Variants in GGT1 observed in about 807,000 individuals in gnomAD.
The protein encoded by GGT1 is glutathione hydrolase 1 proenzyme.
In GGT1, 21 loss-of-function variants were observed where a neutral mutation model predicts 56.0. The ratio of observed to expected loss-of-function variants is 0.38; its 90% CI spans 0.27 to 0.54. The LOEUF (loss-of-function observed/expected upper bound fraction) is 0.54. GGT1 is among the 20% of genes least tolerant of loss of function. The probability of loss-of-function intolerance (pLI) is 0.82; values close to 1 mark genes in which losing one functional copy is unlikely to be tolerated. For synonymous variants in GGT1, 238 were observed against 342.6 expected, an observed-to-expected ratio of 0.69 and a Z score of 3.37; for missense variants, 466 against 787.0, an observed-to-expected ratio of 0.59 and a Z score of 4.88.
intron 7 of GGT1, among the ~76,000 whole-genome samples, chr22:24,617,128 G>A (rs1158700729): frequency 6.6e-6 from 1 of 152,158 alleles, no homozygotes; most frequent in African/African-American, 2.4e-5. Flanking sequence ...GGTCTGGAGG[G>A]CCTCAAAATC....
intron 1 of GGT1, among the ~76,000 whole-genome samples, chr22:24,605,101 A>G (rs1158788085): frequency 3.5e-5 from 1 of 28,578 alleles, no homozygotes; most frequent in Admixed American, 6.8e-4. Context: ...TATAATATGT[A>G]TTATATTATA....
intron 4 of GGT1, 83 bp from the exon 5 acceptor site, chr22:24,610,992 G>A (rs759584391): frequency 7.6e-4 from 990 of 1,297,216 alleles, no homozygotes; most frequent in Non-Finnish European, 9.3e-4. Flanking sequence ...TCTGAGGCCC[G>A]ACTTTAGACT....
At chr22:24,602,532 C>T (rs56187493), upstream of GGT1, among the ~76,000 whole-genome samples, 934 of 152,316 alleles carry the variant, frequency 6.1e-3, 7 homozygotes, top group South Asian at 0.016. Flanking sequence ...CCCACCCCAT[C>T]TCATTGAATG....
Position 24,620,857 on chromosome 22 carries a change from G to T in GGT1, c.576-56G>T, listed in dbSNP as rs2047374724. ...TCTCCTGTGTGGACGGGTGTGAGGGGTGGTCTAGCTGAGTCCACCCCACCT... is the reference window on the plus strand; with the variant it reads ...TCTCCTGTGTGGACGGGTGTGAGGGTTGGTCTAGCTGAGTCCACCCCACCT... On this transcript the variant is annotated intron_variant, in intron 8 of 15. Coordinates refer to ENST00000400382, the MANE Select transcript of GGT1 (RefSeq NM_001288833.2). The surrounding 1 kb of genome is among the most constrained non-coding windows in gnomAD (Gnocchi z 5.6). The T allele has an allele frequency of 6.2e-7, 1 of 1,600,286 alleles. No individual in the cohort carries two copies. Among genetic ancestry groups the T allele is most frequent in the Admixed American group, 1.7e-5 (1 of 59,242 alleles).
rs775813527 is a variant in GGT1 at position 24,615,063 on chromosome 22, C to T, written c.318C>T (p.Ala106=). The T allele has an allele frequency of 1.9e-6, 3 of 1,612,224 alleles. No individual in the cohort carries two copies. The East Asian group carries it at 6.7e-5, about 36-fold the overall frequency. ...STTRKAEVIN[A]REVAPRLAFA... Reference sequence around the variant, plus strand: ...TAGGAAAAGCTGAGGTCATCAACGCCCGCGAGGTGGCCCCCAGGCTGGCCT... The same window carrying T: ...TAGGAAAAGCTGAGGTCATCAACGCTCGCGAGGTGGCCCCCAGGCTGGCCT... The change falls in exon 7 of 16, where the codon GCC becomes GCT. Residue 106 remains alanine (A), a synonymous_variant. Coordinates refer to ENST00000400382, the MANE Select transcript of GGT1 (RefSeq NM_001288833.2).
chr22:24,586,940 A>G, the GGT1 span, among the ~76,000 whole-genome samples: 1 of 152,370 alleles, frequency 6.6e-6, no homozygotes, highest in South Asian at 2.1e-4. Flanking sequence ...CACACACAGT[A>G]AGGCTCTTTC....
At chr22:24,606,723 G>A (rs1390499200) in intron 1 of GGT1, among the ~76,000 whole-genome samples, 2 of 152,138 alleles carry the variant, frequency 1.3e-5, no homozygotes, top group African/African-American at 4.8e-5. Context: ...TGAGAGCAGT[G>A]GATGACAGGA....
chr22:24,592,898 C>G (rs747416487), upstream of GGT1: 43 of 1,281,132 alleles, frequency 3.4e-5, no homozygotes, highest in East Asian at 9.6e-5. Context: ...CGGGCGCGCT[C>G]CGGCCGCCGC....
chr22:24,596,488 C>G lies in GGT1; in HGVS notation c.-324+1602C>G, dbSNP rs761434883. On this transcript the variant is annotated intron_variant, in intron 1 of 6. Coordinates refer to the GGT1 transcript ENST00000411974. ...TCCTTATTTTTGCAGTGGGGTCTCACTATGTTGCCCAGGCTGGTCTTGAAC... is the reference window on the plus strand; with the variant it reads ...TCCTTATTTTTGCAGTGGGGTCTCAGTATGTTGCCCAGGCTGGTCTTGAAC... Among the ~76,000 whole-genome samples the G allele has an allele frequency of 2.0e-5, 3 of 152,110 alleles. No homozygotes were observed. In the East Asian group the frequency reaches 5.8e-4, roughly 29 times the overall value.
the GGT1 span, chr22:24,589,763 T>C: frequency 6.6e-7 from 1 of 1,516,468 alleles, no homozygotes; most frequent in South Asian, 1.3e-5. Context: ...CCCTGGGCTC[T>C]GTTGGCCCCC....
At chr22:24,619,427 T>C (rs1353173650) in intron 7 of GGT1, among the ~76,000 whole-genome samples, 1 of 139,968 alleles carries the variant, frequency 7.1e-6, no homozygotes, top group Admixed American at 7.2e-5. Flanking sequence ...AAAAAAGCCC[T>C]GTGTAGTGGG....
the GGT1 span, chr22:24,585,700 G>C: frequency 1.3e-5 from 9 of 675,896 alleles, no homozygotes; most frequent in Non-Finnish European, 2.0e-5. Flanking sequence ...CTGAGGGAAG[G>C]CTGAGCCTCT....
chr22:24,592,824 C>T, upstream of GGT1: 1 of 1,269,668 alleles, frequency 7.9e-7, no homozygotes. Context: ...CAGACCCTCC[C>T]TGGCCGCCAG....
the GGT1 span, among the ~76,000 whole-genome samples, chr22:24,583,992 A>G: frequency 6.6e-6 from 1 of 152,226 alleles, no homozygotes; most frequent in South Asian, 2.1e-4. Flanking sequence ...GCCGGCTCTC[A>G]TACCGTTTTG....
intron 4 of GGT1, among the ~76,000 whole-genome samples, 160 bp from the exon 5 acceptor site, chr22:24,610,915 A>G (rs940177717): frequency 2.6e-5 from 4 of 151,952 alleles, no homozygotes; most frequent in African/African-American, 9.7e-5. Flanking sequence ...TGGCCTGCGC[A>G]AAGGTCTGGG....
At chr22:24,605,244 T>A (rs575378489) in intron 1 of GGT1, among the ~76,000 whole-genome samples, 330 of 18,808 alleles carry the variant, frequency 0.018, 34 homozygotes, top group African/African-American at 0.085. Context: ...ATATTATATA[T>A]TATATAATAT....
At chr22:24,622,947 C>T (rs1411546754) in intron 9 of GGT1, among the ~76,000 whole-genome samples, 160 bp from the exon 10 acceptor site, 1 of 152,142 alleles carries the variant, frequency 6.6e-6, no homozygotes, top group Non-Finnish European at 1.5e-5. Flanking sequence ...CACAGTCCCA[C>T]CCCTCCAGTA....
At chr22:24,586,777 C>T in the GGT1 span, among the ~76,000 whole-genome samples, 1 of 152,146 alleles carries the variant, frequency 6.6e-6, no homozygotes, top group African/African-American at 2.4e-5. Context: ...GTGATCTGAC[C>T]GCCTCAGCCT....
intron 2 of GGT1, among the ~76,000 whole-genome samples, chr22:24,608,762 A>G (rs1012566656): frequency 6.6e-6 from 1 of 152,114 alleles, no homozygotes; most frequent in South Asian, 2.1e-4. Context: ...GGTTCAAGCA[A>G]TTCTCCTGCC....
Sources: allele counts gnomAD v4.1 joint callset (sites outside exome capture counted in the v4.1 genomes callset), GRCh38; gene constraint gnomAD v4.1.1; non-coding constraint Gnocchi (gnomAD v3.1); transcripts MANE v1.5; gene names NCBI Gene and HGNC (gene_info 2026-07-23, HGNC 2026-07-21).